Variants in LARS1 observed in about 807,000 individuals in gnomAD.
The protein encoded by LARS1 is leucine--tRNA ligase, cytoplasmic.
Under a neutral mutation model 162.8 loss-of-function variants are expected in LARS1, and 100 were observed. The observed-to-expected ratio is 0.61, with a 90% CI of 0.52 to 0.73. LARS1 has a LOEUF of 0.73. LARS1 is among the 30% of genes least tolerant of loss of function. The pLI is 0.00. For synonymous variants in LARS1, 457 were observed against 462.8 expected (o/e 0.99, Z 0.16); for missense variants, 1,258 against 1,408.9 (o/e 0.89, Z 1.71).
intron 2 of LARS1, among the ~76,000 whole-genome samples, chr5:146,175,284 G>A (rs576160893): frequency 1.5e-4 from 23 of 151,476 alleles, no homozygotes; most frequent in South Asian, 6.3e-4. Flanking sequence ...AGTGGCTCAC[G>A]CGTGTAATCC....
intron 1 of LARS1, among the ~76,000 whole-genome samples, chr5:146,178,669 T>C (rs1754703400): frequency 6.6e-6 from 1 of 151,912 alleles, no homozygotes; most frequent in Non-Finnish European, 1.5e-5. Flanking sequence ...AAAACAGTGA[T>C]TGTATAAGGT....
chr5:146,132,764 T>G, intron 23 of LARS1, 134 bp downstream of exon 23: 1 of 675,904 alleles, frequency 1.5e-6, no homozygotes, highest in Middle Eastern at 4.2e-4. Flanking sequence ...AAGTAAGCCT[T>G]CAATGAACAC....
At chr5:146,116,711 A>G (rs570266104) in intron 31 of LARS1, among the ~76,000 whole-genome samples, 40 of 152,342 alleles carry the variant, frequency 2.6e-4, no homozygotes, top group Admixed American at 2.5e-3. Context: ...TTGTTAGTTC[A>G]CATATGGCAT....
chr5:146,116,304 A>G lies in LARS1; in HGVS notation c.3326-1993T>C, dbSNP rs539348901. Among the ~76,000 whole-genome samples, 6 of 152,330 alleles carry G rather than the reference A, an allele frequency of 3.9e-5. No homozygotes were observed. In the East Asian group the frequency reaches 7.7e-4, roughly 20 times the overall value. ...TATAGATGCAGTGACAAGTTCTGCC[A>G]GCAGATTTTATGCATAAGGCCTTTT... On this transcript the variant is annotated intron_variant, in intron 31 of 31. Transcript: ENST00000394434.
At chr5:146,176,448 C>CAAAAA (rs34896615) in intron 2 of LARS1, among the ~76,000 whole-genome samples, 4 of 76,916 alleles carry the variant, frequency 5.2e-5, no homozygotes, top group Non-Finnish European at 9.7e-5. Context: ...AAGACTGTCT[C>CAAAAA]AAAAAAAAAA....
intron 6 of LARS1, among the ~76,000 whole-genome samples, chr5:146,163,335 C>G (rs1753861726): frequency 6.6e-6 from 1 of 152,144 alleles, no homozygotes; most frequent in Admixed American, 6.6e-5. Context: ...AATAAGGTCA[C>G]TTCATTTTCT....
intron 1 of LARS1, among the ~76,000 whole-genome samples, chr5:146,179,390 G>C (rs1484266964): frequency 1.3e-5 from 2 of 151,942 alleles, no homozygotes; most frequent in Non-Finnish European, 2.9e-5. Context: ...TCAAACTCCT[G>C]ACCTCAGGTG....
chr5:146,159,255 T>C, intron 8 of LARS1, 152 bp downstream of exon 8: 3 of 575,200 alleles, frequency 5.2e-6, no homozygotes, highest in Non-Finnish European at 9.4e-6. Flanking sequence ...CAGGTACCTG[T>C]ATTGATATTC....
intron 18 of LARS1, among the ~76,000 whole-genome samples, chr5:146,143,787 T>C (rs1224008869): frequency 6.6e-6 from 1 of 151,958 alleles, no homozygotes; most frequent in African/African-American, 2.4e-5. Flanking sequence ...TCACCTGAGG[T>C]CGGGAGTTCA....
chr5:146,124,202 T>G, intron 28 of LARS1, 116 bp from the exon 29 acceptor site: 1 of 705,276 alleles, frequency 1.4e-6, no homozygotes, highest in Non-Finnish European at 2.5e-6. Flanking sequence ...ATTTCAGGAG[T>G]TAAAGGAAAG....
intron 14 of LARS1, among the ~76,000 whole-genome samples, chr5:146,150,565 C>T (rs1197089255): frequency 7.0e-6 from 1 of 142,222 alleles, no homozygotes; most frequent in African/African-American, 2.6e-5. Flanking sequence ...AAGCAGAGGT[C>T]GCAGTGAGCC....
intron 27 of LARS1, among the ~76,000 whole-genome samples, chr5:146,127,017 A>C (rs111479692): frequency 6.6e-6 from 1 of 152,062 alleles, no homozygotes; most frequent in African/African-American, 2.4e-5. Flanking sequence ...CTCAAAAATA[A>C]ATGTCCATAT....
chr5:146,115,611 C>CACCTGTCTCTTGAACA (rs1764174044), intron 31 of LARS1, among the ~76,000 whole-genome samples: 1 of 79,778 alleles, frequency 1.3e-5, no homozygotes, highest in South Asian at 3.5e-4. Flanking sequence ...AAAAAAAAAG[C>CACCTGTCTCTTGAACA]ACCTGTCTCT....
chr5:146,166,865 GA>G (rs1268849242), intron 5 of LARS1, among the ~76,000 whole-genome samples: 1 of 151,656 alleles, frequency 6.6e-6, no homozygotes, highest in African/African-American at 2.4e-5. Flanking sequence ...AAAAAAAAAT[GA>G]AATCTTTACA....
In LARS1 at chr5:146,157,732, A is replaced by C; in HGVS notation, c.835T>G (p.Leu279Val). 1 of 1,614,138 alleles carries C rather than the reference A, an allele frequency of 6.2e-7. No homozygotes were observed. The highest frequency in any genetic ancestry group is 8.5e-7 in the Non-Finnish European group (1 of 1,179,992). The change falls in exon 9 of 32, where the codon TTA (leucine) becomes GTA (valine). Residue 279 changes from leucine (L) to valine (V), a missense_variant. Leu to Val is a conservative substitution (Grantham distance 32). Coordinates refer to ENST00000394434, the MANE Select transcript of LARS1 (RefSeq NM_020117.11). The stretch of plus-strand genomic sequence containing the variant: ...CAATTACTCTGGCAAACCTACCTTA[A>C]TTTAGATGGGTATGGCTCAAGCACC... Reference protein sequence around the residue: ...LKVLEPYPSKLSGLKGKNIFL... With the variant: ...LKVLEPYPSKVSGLKGKNIFL...
intron 10 of LARS1, among the ~76,000 whole-genome samples, chr5:146,155,542 C>T (rs1205314148): frequency 2.0e-5 from 3 of 152,192 alleles, no homozygotes; most frequent in African/African-American, 7.2e-5. Flanking sequence ...GACCCAAATT[C>T]TCAGATGGCA....
intron 28 of LARS1, among the ~76,000 whole-genome samples, chr5:146,124,878 A>G (rs1751978524): frequency 6.6e-6 from 1 of 151,830 alleles, no homozygotes; most frequent in Non-Finnish European, 1.5e-5. Context: ...CAAAACCACT[A>G]ATTTGCCTGG....
At chr5:146,178,044 GC>G (rs1754677823) in intron 1 of LARS1, among the ~76,000 whole-genome samples, 1 of 151,996 alleles carries the variant, frequency 6.6e-6, no homozygotes, top group Non-Finnish European at 1.5e-5. Context: ...GCTGCAGTGA[GC>G]CGAGATCATG....
chr5:146,161,200 A>T (rs1291853821), intron 6 of LARS1, among the ~76,000 whole-genome samples: 1 of 152,232 alleles, frequency 6.6e-6, no homozygotes, highest in Non-Finnish European at 1.5e-5. Flanking sequence ...TAAAATGCTA[A>T]TAATCATCTG....
Sources: allele counts gnomAD v4.1 joint callset (sites outside exome capture counted in the v4.1 genomes callset), GRCh38; gene constraint gnomAD v4.1.1; transcripts MANE v1.5; gene names NCBI Gene and HGNC (gene_info 2026-07-23, HGNC 2026-07-21).